BACH2: variants seen among roughly 807,000 people sequenced by gnomAD.
BACH2 encodes the protein transcription regulator protein BACH2.
Under a neutral mutation model 61.8 loss-of-function variants are expected in BACH2, and 5 were observed. The observed-to-expected ratio is 0.08, with a 90% confidence interval of 0.04 to 0.17. The LOEUF (loss-of-function observed/expected upper bound fraction) is 0.17, where lower values mean the gene tolerates loss of function less well. BACH2 is among the 10% of genes least tolerant of loss of function. BACH2 has a pLI of 1.00. For missense variants in BACH2, 824 were observed against 1,091.1 expected (o/e 0.76, Z 3.45); for synonymous variants, 446 against 440.1 (o/e 1.01, Z -0.17).
rs1437894147 is a variant in BACH2 at position 89,929,581 on chromosome 6, C to CATGGCAG, written c.*2820_*2826dup. ...TAGAGCAGTGTTTTTAACCAGTTCC[C>CATGGCAG]ATGGCAGAAGTTAGGTTGGGGGAAG... On this transcript the variant is annotated 3_prime_UTR_variant, in exon 9 of 9. Coordinates refer to ENST00000257749, the MANE Select transcript of BACH2 (RefSeq NM_021813.4). 6.6e-6 allele frequency: 1 copy of CATGGCAG among 152,144 alleles called. No individual in the cohort carries two copies. Among genetic ancestry groups the CATGGCAG allele is most frequent in the East Asian group, 1.9e-4 (1 of 5,310 alleles). The allele number at this position is 152,144 out of a possible 1,614,324, so 9.4% of individuals were successfully genotyped here.
At chr6:90,040,369 C>T (rs79355476) in intron 5 of BACH2, among the ~76,000 whole-genome samples, 1,728 of 152,146 alleles carry the variant, frequency 0.011, 31 homozygotes, top group African/African-American at 0.039. Context: ...TTAATGTAAA[C>T]TAAAATTTCA....
intron 4 of BACH2, among the ~76,000 whole-genome samples, chr6:90,148,717 C>T (rs77464075): frequency 0.036 from 5,516 of 152,246 alleles, 147 homozygotes; most frequent in Middle Eastern, 0.075. Context: ...TACACGCACA[C>T]CTACAGTCAG....
intron 4 of BACH2, among the ~76,000 whole-genome samples, chr6:90,098,012 T>C (rs539359723): frequency 1.3e-5 from 2 of 152,316 alleles, no homozygotes; most frequent in Admixed American, 1.3e-4. Context: ...CTAGGTTCTA[T>C]ACTAGCTGTA....
chr6:90,109,615 C>T (rs2127815433), intron 4 of BACH2, among the ~76,000 whole-genome samples: 1 of 152,310 alleles, frequency 6.6e-6, no homozygotes, highest in East Asian at 1.9e-4. Context: ...ATTCAACATG[C>T]ATCTCAAGTA....
At chr6:90,047,224 C>T (rs1411796312) in intron 5 of BACH2, among the ~76,000 whole-genome samples, 4 of 152,162 alleles carry the variant, frequency 2.6e-5, no homozygotes, top group Non-Finnish European at 4.4e-5. Flanking sequence ...GCCTGTCCTG[C>T]CCATGTTATT....
At chr6:90,127,325 T>C (rs550683034) in intron 4 of BACH2, among the ~76,000 whole-genome samples, 1 of 152,120 alleles carries the variant, frequency 6.6e-6, no homozygotes, top group Non-Finnish European at 1.5e-5. Flanking sequence ...ACCCCCTTTT[T>C]GAGGTGAAGC....
chr6:90,148,585 G>A lies in BACH2; in HGVS notation c.-162+57984C>T, dbSNP rs77399770. On this transcript the variant is annotated intron_variant, in intron 4 of 8. Transcript: ENST00000257749. ...ATTCTAGACAGATACTTGAAATGAT[G>A]CTCTAGAGGAATATTCAAGTGACAT... 5.5e-3 allele frequency among the ~76,000 whole-genome samples: 836 copies of A among 152,196 alleles called. 9 individuals carry two copies. The highest frequency in any genetic ancestry group is 0.019 in the African/African-American group (776 of 41,516).
intron 2 of BACH2, among the ~76,000 whole-genome samples, chr6:90,259,130 C>T (rs186087427): frequency 2.0e-5 from 3 of 152,266 alleles, no homozygotes; most frequent in Admixed American, 2.0e-4. Context: ...AAGTGGGCAT[C>T]CATGCCTGCC....
intron 4 of BACH2, among the ~76,000 whole-genome samples, chr6:90,134,462 G>C (rs1784207996): frequency 6.6e-6 from 1 of 152,230 alleles, no homozygotes; most frequent in African/African-American, 2.4e-5. Flanking sequence ...TGGATGAGAA[G>C]AGTCCTTCCT....
chr6:90,105,829 A>T (rs1308514524), intron 4 of BACH2, among the ~76,000 whole-genome samples: 1 of 152,182 alleles, frequency 6.6e-6, no homozygotes, highest in Admixed American at 6.5e-5. Context: ...AAAAGACTGA[A>T]TTTTTAGACC....
chr6:90,018,641 T>C (rs1417266456), intron 5 of BACH2, among the ~76,000 whole-genome samples: 10 of 152,244 alleles, frequency 6.6e-5, no homozygotes, highest in Admixed American at 6.5e-4. Context: ...CAATAACTTA[T>C]CACAATGCAA....
Position 89,938,195 on chromosome 6 carries a change from G to A in BACH2, c.1992C>T (p.Arg664=), listed in dbSNP as rs2128353813. The change falls in exon 8 of 9, where the codon CGC becomes CGT. Residue 664 remains arginine, a synonymous_variant. Transcript: ENST00000257749. ...SKNRIAAQRC[R]KRKLDCIQNL... ...TCTGAATACAGTCCAGTTTCCTTTT[G>A]CGGCAGCGCTGGGCCGCGATGCGGT... is the stretch of plus-strand genomic sequence containing the variant. 2.5e-6 allele frequency: 4 copies of A among 1,614,182 alleles called. No individual in the cohort carries two copies. Among genetic ancestry groups the A allele is most frequent in the Non-Finnish European group, 3.4e-6 (4 of 1,179,988 alleles).
chr6:90,248,410 A>G (rs556260397), intron 3 of BACH2, among the ~76,000 whole-genome samples: 1 of 152,342 alleles, frequency 6.6e-6, no homozygotes, highest in African/African-American at 2.4e-5. Context: ...GTGATCCCTA[A>G]TGGGCTCATA....
At chr6:90,006,037 C>T (rs894012964) in intron 6 of BACH2, among the ~76,000 whole-genome samples, 1 of 152,070 alleles carries the variant, frequency 6.6e-6, no homozygotes, top group Non-Finnish European at 1.5e-5. Flanking sequence ...TTTTCCAATG[C>T]CATGGAAATA....
At chr6:90,081,313 G>A (rs1781712565) in intron 5 of BACH2, among the ~76,000 whole-genome samples, 1 of 152,112 alleles carries the variant, frequency 6.6e-6, no homozygotes, top group Admixed American at 6.6e-5. Context: ...AAGGAAGGCG[G>A]CCAAATCGAA....
chr6:90,011,047 TA>T (rs1777676440), intron 5 of BACH2, among the ~76,000 whole-genome samples: 1 of 152,242 alleles, frequency 6.6e-6, no homozygotes, highest in Non-Finnish European at 1.5e-5. Flanking sequence ...TTGATTCTCT[TA>T]AAAGTGTCTT....
chr6:89,973,854 G>C (rs937500904), intron 6 of BACH2, among the ~76,000 whole-genome samples: 4 of 151,994 alleles, frequency 2.6e-5, no homozygotes, highest in Non-Finnish European at 4.4e-5. Flanking sequence ...AAATTGAGGA[G>C]AGCCATTAAT....
intron 4 of BACH2, among the ~76,000 whole-genome samples, chr6:90,186,116 C>T (rs964522262): frequency 2.6e-5 from 4 of 152,098 alleles, no homozygotes; most frequent in African/African-American, 9.7e-5. Context: ...TCTGTTTTAG[C>T]CCATTTCCAT....
In BACH2 at chr6:90,293,329, G is replaced by A. The variant is rs1582574903; in HGVS notation, c.-446+3151C>T. 2.0e-5 allele frequency among the ~76,000 whole-genome samples: 3 copies of A among 152,322 alleles called. No homozygotes were observed. In the South Asian group the frequency reaches 6.2e-4, roughly 32 times the overall value. Reference sequence around the variant, plus strand: ...TTCAAAAACTAGAGTAGAGGGGCCAGGCACAGCAGAGATAGAGAGCCACTA... The same window carrying A: ...TTCAAAAACTAGAGTAGAGGGGCCAAGCACAGCAGAGATAGAGAGCCACTA... On this transcript the variant is annotated intron_variant, in intron 1 of 8. Transcript: ENST00000257749.
Sources: allele counts gnomAD v4.1 joint callset (sites outside exome capture counted in the v4.1 genomes callset), GRCh38; gene constraint gnomAD v4.1.1; transcripts MANE v1.5; gene names NCBI Gene and HGNC (gene_info 2026-07-23, HGNC 2026-07-21).